Variants in PIGZ observed in about 807,000 individuals in gnomAD.
PIGZ encodes GPI alpha-1,2-mannosyltransferase 4.
Under a neutral mutation model 16.4 loss-of-function variants are expected in PIGZ, and 16 were observed. The observed-to-expected ratio is 0.97, with a 90% CI of 0.66 to 1.48. The LOEUF is 1.48. Ranked by LOEUF, PIGZ falls within the 40% of genes most tolerant of loss-of-function variation. The probability of loss-of-function intolerance (pLI) is 0.00; values close to 1 mark genes in which losing one functional copy is unlikely to be tolerated. For synonymous variants in PIGZ, 409 were observed against 338.4 expected (o/e 1.21, Z -2.29); for missense variants, 770 against 739.2 (o/e 1.04, Z -0.48).
chr3:196,948,622 G>A lies in PIGZ; in HGVS notation c.275C>T (p.Ser92Leu), dbSNP rs761207773. The A allele has an allele frequency of 4.8e-5, 73 of 1,509,782 alleles. 2 individuals are homozygous for A. In the South Asian group the frequency reaches 7.4e-4, roughly 15 times the overall value. The allele number at this position is 1,509,782 out of a possible 1,614,324, so 93.5% of individuals were successfully genotyped here. A position where few individuals can be genotyped will look rare whatever the true frequency, so the allele number is the denominator to read the frequency against. The change falls in exon 3 of 3, where the codon TCG (serine) becomes TTG (leucine). Residue 92 changes from serine (S) to leucine (L), a missense_variant. By Grantham distance (145) the Ser-to-Leu change is moderately radical (BLOSUM62 -2). Coordinates refer to ENST00000412723, the MANE Select transcript of PIGZ (RefSeq NM_025163.4). Reference sequence around the variant, plus strand: ...AGAGATCAGCAGGGGGAAGAGCACCGAGCGGCAGGAGCTGCTGGGGTAAAA... The same window carrying A: ...AGAGATCAGCAGGGGGAAGAGCACCAAGCGGCAGGAGCTGCTGGGGTAAAA... ...WEFYPSSSCR[S>L]VLFPLLISGS... is the part of the protein sequence containing the mutation.
At position 196,955,572 on chromosome 3, in the gene PIGZ, CTTTCTTTTT is replaced by C. The variant is rs1717449492; in HGVS notation, c.1-3550_1-3542del. On this transcript the variant is annotated intron_variant, in intron 1 of 2. Coordinates refer to ENST00000412723, the MANE Select transcript of PIGZ (RefSeq NM_025163.4). ...TCCAGCCTTTTCTTTTCTTTTCTTT[CTTTCTTTTT>C]TTTTTTTTTTTTTTTGAGATAGTCT... Among the ~76,000 whole-genome samples, 282 of 43,550 alleles carry C rather than the reference CTTTCTTTTT, an allele frequency of 6.5e-3. No individual in the cohort carries two copies. In the East Asian group the frequency reaches 0.098, roughly 15 times the overall value. The allele number at this position is 43,550 out of a possible 152,430, so 28.6% of individuals were successfully genotyped here.
intron 1 of PIGZ, among the ~76,000 whole-genome samples, chr3:196,967,960 C>A (rs1717997989): frequency 6.6e-6 from 1 of 152,198 alleles, no homozygotes; most frequent in Admixed American, 6.5e-5. Context: ...TCTCAGTTTT[C>A]CGAGGCAAAG....
In PIGZ at chr3:196,947,303, C is replaced by G; in HGVS notation, c.1594G>C (p.Glu532Gln). The G allele has an allele frequency of 6.2e-7, 1 of 1,614,142 alleles. No homozygotes were observed. Among genetic ancestry groups the G allele is most frequent in the South Asian group, 1.1e-5 (1 of 91,074 alleles). The change falls in exon 3 of 3, where the codon GAG becomes CAG. Residue 532 changes from glutamate to glutamine, a missense_variant. Coordinates refer to ENST00000412723, the MANE Select transcript of PIGZ (RefSeq NM_025163.4). ...VTPGTTRRAV[E>Q]KCSFPFKNET... is the part of the protein sequence containing the mutation. ...TTCTTGAAGGGGAAGCTGCACTTCT[C>G]CACGGCACGCCTGGTGGTGCCAGGG...
intron 1 of PIGZ, among the ~76,000 whole-genome samples, chr3:196,967,595 G>C (rs1023180681): frequency 2.6e-5 from 4 of 152,190 alleles, no homozygotes. Context: ...TACTCCAGGG[G>C]TACAAGGTGA....
intron 2 of PIGZ, among the ~76,000 whole-genome samples, 181 bp from the exon 3 acceptor site, chr3:196,948,866 C>CCCTTCCTT (rs1460556426): frequency 1.2e-5 from 1 of 85,640 alleles, no homozygotes; most frequent in African/African-American, 4.6e-5. Flanking sequence ...TCCCTTCCTT[C>CCCTTCCTT]CCTTCCTTCC....
intron 1 of PIGZ, among the ~76,000 whole-genome samples, chr3:196,962,133 A>G (rs147214960): frequency 1.3e-5 from 2 of 152,316 alleles, no homozygotes; most frequent in Admixed American, 1.3e-4. Context: ...ACTAAGAAAA[A>G]TTCTTCTGCT....
intron 1 of PIGZ, among the ~76,000 whole-genome samples, chr3:196,963,318 G>C (rs78409378): frequency 1.3e-5 from 2 of 152,122 alleles, no homozygotes; most frequent in Admixed American, 6.5e-5. Context: ...TGGTATATAC[G>C]TAAAGTCCCT....
intron 1 of PIGZ, among the ~76,000 whole-genome samples, chr3:196,961,823 G>C (rs1437059007): frequency 1.3e-5 from 2 of 152,274 alleles, no homozygotes; most frequent in South Asian, 4.1e-4. Flanking sequence ...TAATTTTAAA[G>C]TGTACAATTC....
chr3:196,960,497 C>T (rs954771136), intron 1 of PIGZ, among the ~76,000 whole-genome samples: 1 of 151,922 alleles, frequency 6.6e-6, no homozygotes, highest in African/African-American at 2.4e-5. Context: ...CATGGTGAAA[C>T]CCTGTCTCTA....
Position 196,948,469 on chromosome 3 carries a change from G to A in PIGZ, c.428C>T (p.Ala143Val), listed in dbSNP as rs200943195. The A allele has an allele frequency of 1.9e-6, 3 of 1,613,746 alleles. No homozygotes were observed. The highest frequency in any genetic ancestry group is 1.1e-5 in the South Asian group (1 of 91,076). ...CATCGGCGGGGCCAGGTGGTACACG[G>A]CCCCGTCCAGAGCAAAGGAAAGGGC... ...LTALSFALDG[A>V]VYHLAPPMGA... Residue 143 changes from alanine (A) to valine (V), a missense_variant, in exon 3 of 3, where the codon GCC becomes GTC. Physicochemically the swap from Ala to Val is moderately conservative, Grantham distance 64 (BLOSUM62 0). Transcript: ENST00000412723.
rs1208745148 is a variant in PIGZ, at chr3:196,946,465, TGAA to T, written c.*689_*691del. 1 of 152,260 alleles carries T rather than the reference TGAA, an allele frequency of 6.6e-6. No individual in the cohort carries two copies. Among genetic ancestry groups the T allele is most frequent in the Non-Finnish European group, 1.5e-5 (1 of 68,060 alleles). The allele number at this position is 152,260 out of a possible 1,614,324, so 9.4% of individuals were successfully genotyped here. A position where few individuals can be genotyped will look rare whatever the true frequency, so the allele number is the denominator to read the frequency against. Reference sequence around the variant, plus strand: ...ACAACACAACTCCCACTTCCATGCTTGAAGAGCTTTGTGAGAGCTGTGCCTGTT... The same window carrying T: ...ACAACACAACTCCCACTTCCATGCTTGAGCTTTGTGAGAGCTGTGCCTGTT... On this transcript the variant is annotated 3_prime_UTR_variant, in exon 3 of 3. Transcript: ENST00000412723.
chr3:196,962,414 C>A (rs1384668946), intron 1 of PIGZ, among the ~76,000 whole-genome samples: 1 of 152,136 alleles, frequency 6.6e-6, no homozygotes, highest in Non-Finnish European at 1.5e-5. Context: ...TGAGATGTGG[C>A]CTCGTTGGAA....
rs149459394 is a variant in PIGZ, at chr3:196,947,312, G to A, written c.1585C>T (p.Arg529Cys). Residue 529 changes from arginine to cysteine, a missense_variant, in exon 3 of 3, where the codon CGT (arginine) becomes TGT (cysteine). Physicochemically the swap from Arg to Cys is radical, Grantham distance 180. Transcript: ENST00000412723. ...LFVVTPGTTR[R>C]AVEKCSFPFK... ...GGGAAGCTGCACTTCTCCACGGCAC[G>A]CCTGGTGGTGCCAGGGGTTACCACA... 25 of 1,614,150 alleles carry A rather than the reference G, an allele frequency of 1.5e-5. No individual in the cohort carries two copies. Among genetic ancestry groups the A allele is most frequent in the African/African-American group, 9.3e-5 (7 of 75,066 alleles).
intron 1 of PIGZ, among the ~76,000 whole-genome samples, chr3:196,953,951 C>A (rs530767471): frequency 2.0e-5 from 3 of 151,594 alleles, no homozygotes; most frequent in African/African-American, 7.3e-5. Context: ...TATGATCACA[C>A]TACTGCACTT....
At position 196,947,462 on chromosome 3, in the gene PIGZ, C is replaced by G; in HGVS notation, c.1435G>C (p.Gly479Arg). 6.2e-7 allele frequency: 1 copy of G among 1,613,646 alleles called. No homozygotes were observed. The highest frequency in any genetic ancestry group is 8.5e-7 in the Non-Finnish European group (1 of 1,179,982). Reference sequence around the variant, plus strand: ...ATGTCCACCACCTCCACTGGTGCCCCCAGGCCTGGGAGGTGTAGGAGGTGC... The same window carrying G: ...ATGTCCACCACCTCCACTGGTGCCCGCAGGCCTGGGAGGTGTAGGAGGTGC... The part of the protein sequence containing the change: ...PRHLLHLPGL[G>R]APVEVVDMGG... The change falls in exon 3 of 3, where the codon GGG becomes CGG. Residue 479 changes from glycine (G) to arginine (R), a missense_variant. Transcript: ENST00000412723.
In PIGZ at chr3:196,947,401, A is replaced by G; in HGVS notation, c.1496T>C (p.Leu499Pro). 1.2e-6 allele frequency: 2 copies of G among 1,613,974 alleles called. No homozygotes were observed. The highest frequency in any genetic ancestry group is 1.3e-5 in the African/African-American group (1 of 75,072). ...GTEDWALCQT[L>P]KSFTRQPACQ... ...GGCTGGTTGTCTGGTGAAGCTTTTC[A>G]GGGTTTGGCACAGGGCCCAGTCCTC... Residue 499 changes from leucine (L) to proline (P), a missense_variant, in exon 3 of 3, where the codon CTG becomes CCG. Coordinates refer to ENST00000412723, the MANE Select transcript of PIGZ (RefSeq NM_025163.4).
At chr3:196,964,692 G>A (rs946729473) in intron 1 of PIGZ, among the ~76,000 whole-genome samples, 1 of 152,082 alleles carries the variant, frequency 6.6e-6, no homozygotes, top group South Asian at 2.1e-4. Context: ...TACCTTCCAG[G>A]CTTTGTACCT....
intron 1 of PIGZ, among the ~76,000 whole-genome samples, chr3:196,962,171 G>A (rs190383990): frequency 2.6e-5 from 4 of 152,278 alleles, no homozygotes; most frequent in East Asian, 3.9e-4. Context: ...TGTAACCCTA[G>A]CCCCAACCCT....
rs1380041788 is a variant in PIGZ, at chr3:196,965,648, G to C, written c.-1+3039C>G. ...GTCATTGTCTGAGTCCAGGTATGCT[G>C]TGACTGGTGTGCATGTACCTGGGAT... On this transcript the variant is annotated intron_variant, in intron 1 of 2. Coordinates refer to ENST00000412723, the MANE Select transcript of PIGZ (RefSeq NM_025163.4). The surrounding 1 kb of genome is among the most constrained non-coding windows in gnomAD (Gnocchi z 4.2). Among the ~76,000 whole-genome samples, 1 of 152,190 alleles carries C rather than the reference G, an allele frequency of 6.6e-6. No homozygotes were observed. The highest frequency in any genetic ancestry group is 1.5e-5 in the Non-Finnish European group (1 of 68,038).
Sources: gnomAD v4.1 joint callset for allele counts (sites outside exome capture counted in the v4.1 genomes callset) on GRCh38, gnomAD v4.1.1 for gene constraint, Gnocchi (gnomAD v3.1) non-coding constraint, MANE v1.5 for transcripts, NCBI Gene and HGNC (gene_info 2026-07-23, HGNC 2026-07-21) for gene names.